The following EBF2 variants were observed in gnomAD, a reference collection of about 807,000 sequenced individuals.
EBF2 encodes EBF transcription factor 2, also known as transcription factor COE2.
In EBF2, 21 loss-of-function variants were observed where a neutral mutation model predicts 72.8. That is an observed-to-expected ratio of 0.29 (90% CI 0.20 to 0.42). The LOEUF (loss-of-function observed/expected upper bound fraction) is 0.42, where lower values mean the gene tolerates loss of function less well. Ranked by LOEUF, EBF2 falls within the 10% of genes least tolerant of loss-of-function variation. The probability of loss-of-function intolerance (pLI) is 1.00; values close to 1 mark genes in which losing one functional copy is unlikely to be tolerated. For missense variants in EBF2, 637 were observed against 731.2 expected (o/e 0.87, Z 1.49); for synonymous variants, 299 against 274.2 (o/e 1.09, Z -0.89).
intron 6 of EBF2, among the ~76,000 whole-genome samples, chr8:26,005,499 A>T (rs1275966325): frequency 1.1e-5 from 1 of 91,760 alleles, no homozygotes; most frequent in Non-Finnish European, 2.0e-5. Flanking sequence ...TATATTATAA[A>T]ATATAATATA....
chr8:25,905,833 T>G (rs1382638485), intron 7 of EBF2, among the ~76,000 whole-genome samples: 1 of 152,184 alleles, frequency 6.6e-6, no homozygotes, highest in African/African-American at 2.4e-5. Flanking sequence ...TTGTATGTTA[T>G]ATGAATTTTA....
rs368914081 is a variant in EBF2 at position 26,020,882 on chromosome 8, C to T, written c.551+12203G>A. On this transcript the variant is annotated intron_variant, in intron 6 of 15. Coordinates refer to ENST00000520164, the MANE Select transcript of EBF2 (RefSeq NM_022659.4). ...ACTCTACATTTGCTTGGGTAAGTAT[C>T]GAGCGGACTGTTAGCGTTAAATCGA... Among the ~76,000 whole-genome samples the T allele has an allele frequency of 3.2e-4, 48 of 152,240 alleles. 1 individual carries two copies. The highest frequency in any genetic ancestry group is 6.0e-4 in the Non-Finnish European group (41 of 68,026).
chr8:26,040,058 C>T lies in EBF2; in HGVS notation c.452G>A (p.Arg151Gln). The T allele has an allele frequency of 6.2e-7, 1 of 1,613,988 alleles. No individual in the cohort carries two copies. The highest frequency in any genetic ancestry group is 1.1e-5 in the South Asian group (1 of 91,070). ...EGQNKNPEMC[R>Q]VLLTHEVMCS... Reference sequence around the variant, plus strand: ...CATCACTTCGTGCGTCAGGAGAACTCGGCACATTTCCGGATTCTTATTCTG... The same window carrying T: ...CATCACTTCGTGCGTCAGGAGAACTTGGCACATTTCCGGATTCTTATTCTG... The change falls in exon 5 of 16, where the codon CGA becomes CAA. Residue 151 changes from arginine to glutamine, a missense_variant. Transcript: ENST00000520164.
At chr8:25,949,043 CCAT>C (rs757970765) in intron 6 of EBF2, among the ~76,000 whole-genome samples, 43 of 152,194 alleles carry the variant, frequency 2.8e-4, no homozygotes, top group Non-Finnish European at 5.6e-4. Context: ...ATCATCACCA[CCAT>C]CATCATCAAT....
At chr8:25,847,705 A>G (rs935248890) in intron 15 of EBF2, among the ~76,000 whole-genome samples, 52 of 152,326 alleles carry the variant, frequency 3.4e-4, no homozygotes, top group African/African-American at 1.1e-3. Context: ...AAAGAGCTGA[A>G]CTAGAACTCA....
intron 6 of EBF2, among the ~76,000 whole-genome samples, chr8:26,011,651 T>C (rs1805024036): frequency 2.6e-5 from 4 of 152,160 alleles, no homozygotes; most frequent in South Asian, 2.1e-4. Flanking sequence ...AAACATGGGA[T>C]GGTACCATTG....
chr8:25,914,083 C>A (rs150177790), intron 6 of EBF2, among the ~76,000 whole-genome samples: 1 of 152,148 alleles, frequency 6.6e-6, no homozygotes, highest in Non-Finnish European at 1.5e-5. Context: ...ATCCTTTGGG[C>A]GATTAGGCAA....
At chr8:26,015,971 T>C (rs1206596405) in intron 6 of EBF2, among the ~76,000 whole-genome samples, 5 of 152,198 alleles carry the variant, frequency 3.3e-5, no homozygotes, top group Non-Finnish European at 7.3e-5. Context: ...ATGCTCTAGA[T>C]CAAGGCCCTA....
intron 6 of EBF2, among the ~76,000 whole-genome samples, chr8:25,950,082 A>G (rs144433295): frequency 0.014 from 2,154 of 152,344 alleles, 20 homozygotes; most frequent in Middle Eastern, 0.048. Context: ...AATGAACATC[A>G]TCCGAAGACC....
intron 7 of EBF2, among the ~76,000 whole-genome samples, chr8:25,892,273 G>A (rs1211848032): frequency 6.6e-6 from 1 of 152,172 alleles, no homozygotes; most frequent in South Asian, 2.1e-4. Context: ...CTCTCAAAAT[G>A]TCTTATTGTA....
chr8:25,953,582 C>T lies in EBF2; in HGVS notation c.552-45027G>A, dbSNP rs145080295. Among the ~76,000 whole-genome samples, 308 of 152,242 alleles carry T rather than the reference C, an allele frequency of 2.0e-3. 1 individual carries two copies. The highest frequency in any genetic ancestry group is 7.2e-3 in the African/African-American group (300 of 41,538). On this transcript the variant is annotated intron_variant, in intron 6 of 15. Coordinates refer to ENST00000520164, the MANE Select transcript of EBF2 (RefSeq NM_022659.4). Reference sequence around the variant, plus strand: ...GAGGAAAAAAGACACTGAATGCAGTCAGGGCAGCTGATTCGGGATCTGACC... The same window carrying T: ...GAGGAAAAAAGACACTGAATGCAGTTAGGGCAGCTGATTCGGGATCTGACC...
intron 5 of EBF2, among the ~76,000 whole-genome samples, chr8:26,036,302 GA>G (rs1805499989): frequency 6.6e-6 from 1 of 151,684 alleles, no homozygotes; most frequent in African/African-American, 2.4e-5. Context: ...AACTTGGGAG[GA>G]AATGATATTC....
At chr8:25,966,283 T>C in intron 6 of EBF2, among the ~76,000 whole-genome samples, 1 of 152,206 alleles carries the variant, frequency 6.6e-6, no homozygotes. Context: ...ACAGGTGTAT[T>C]TGGCATAAGT....
intron 6 of EBF2, among the ~76,000 whole-genome samples, chr8:25,996,816 C>T (rs1329109666): frequency 6.6e-6 from 1 of 151,994 alleles, no homozygotes; most frequent in East Asian, 1.9e-4. Flanking sequence ...AAAGAGAACA[C>T]AAAGGCAAGT....
intron 6 of EBF2, among the ~76,000 whole-genome samples, chr8:25,934,702 A>T (rs1232022466): frequency 1.3e-5 from 2 of 152,208 alleles, no homozygotes; most frequent in East Asian, 3.9e-4. Flanking sequence ...GTACTTGAAC[A>T]TCGGCCAGGA....
intron 6 of EBF2, among the ~76,000 whole-genome samples, chr8:25,996,440 C>T (rs1804632918): frequency 6.6e-6 from 1 of 151,734 alleles, no homozygotes; most frequent in Admixed American, 6.6e-5. Context: ...TAAATTTTAA[C>T]AAATTAACAA....
chr8:25,959,047 C>T (rs1585208355), intron 6 of EBF2, among the ~76,000 whole-genome samples: 1 of 152,102 alleles, frequency 6.6e-6, no homozygotes, highest in Non-Finnish European at 1.5e-5. Context: ...TGATGCAGAC[C>T]CCGAGGGGAG....
intron 6 of EBF2, among the ~76,000 whole-genome samples, chr8:25,982,253 A>G (rs1804374493): frequency 6.6e-6 from 1 of 152,204 alleles, no homozygotes; most frequent in African/African-American, 2.4e-5. Flanking sequence ...CTATTCCTTC[A>G]GACATTTGCT....
chr8:25,847,972 A>G (rs1801872737), intron 15 of EBF2, among the ~76,000 whole-genome samples: 1 of 151,976 alleles, frequency 6.6e-6, no homozygotes, highest in African/African-American at 2.4e-5. Flanking sequence ...ACCACTAGAG[A>G]ACTTATCCAT....
Sources: allele counts gnomAD v4.1 joint callset (sites outside exome capture counted in the v4.1 genomes callset), GRCh38; gene constraint gnomAD v4.1.1; transcripts MANE v1.5; gene names NCBI Gene and HGNC (gene_info 2026-07-23, HGNC 2026-07-21).